CEP55: variants seen among roughly 807,000 people sequenced by gnomAD.
CEP55 encodes centrosomal protein 55, also known as centrosomal protein of 55 kDa.
CEP55 carries 57 observed loss-of-function variants against 63.2 expected under a neutral mutation model. The observed-to-expected ratio is 0.90, with a 90% CI of 0.73 to 1.13. The LOEUF (loss-of-function observed/expected upper bound fraction) is 1.13. Among genes scored for constraint, CEP55 ranks in the 50% most tolerant of loss-of-function variants. CEP55 has a pLI of 0.00. For missense variants in CEP55, 456 were observed against 518.9 expected (o/e 0.88, Z 1.18); for synonymous variants, 178 against 191.6 (o/e 0.93, Z 0.59).
At chr10:93,501,994 CT>C (rs2057640376) in intron 2 of CEP55, among the ~76,000 whole-genome samples, 1 of 152,106 alleles carries the variant, frequency 6.6e-6, no homozygotes, top group Non-Finnish European at 1.5e-5. Flanking sequence ...CTAATTGTGC[CT>C]ATTAAAGTTA....
At chr10:93,511,461 TGAGAA>T (rs2057748093) in intron 4 of CEP55, among the ~76,000 whole-genome samples, 1 of 152,160 alleles carries the variant, frequency 6.6e-6, no homozygotes, top group South Asian at 2.1e-4. Flanking sequence ...ATGCACACAG[TGAGAA>T]GAGGTGGCAT....
chr10:93,518,995 T>G, intron 7 of CEP55, 47 bp downstream of exon 7: 1 of 1,478,684 alleles, frequency 6.8e-7, no homozygotes, highest in Non-Finnish European at 9.5e-7. Context: ...TGTTAGAAAA[T>G]GCAGTTTTTC....
intron 8 of CEP55, among the ~76,000 whole-genome samples, chr10:93,523,737 GTC>G: frequency 6.6e-6 from 1 of 152,170 alleles, no homozygotes; most frequent in South Asian, 2.1e-4. Context: ...ATAACAAACT[GTC>G]TCTCAGACCA....
intron 1 of CEP55, among the ~76,000 whole-genome samples, chr10:93,498,207 T>C (rs578211148): frequency 6.6e-6 from 1 of 150,478 alleles, no homozygotes; most frequent in South Asian, 2.1e-4. Context: ...TTGGTGGGAC[T>C]AGGTGGTGGG....
At chr10:93,527,313 C>T (rs775128000) in intron 8 of CEP55, among the ~76,000 whole-genome samples, 7 of 152,304 alleles carry the variant, frequency 4.6e-5, no homozygotes, top group African/African-American at 7.2e-5. Flanking sequence ...TTATTGCTGA[C>T]GTTGCCTCTG....
At chr10:93,511,450 G>T (rs137924055) in intron 4 of CEP55, among the ~76,000 whole-genome samples, 9 of 152,150 alleles carry the variant, frequency 5.9e-5, no homozygotes, top group African/African-American at 1.9e-4. Flanking sequence ...ATAGAAAGCC[G>T]ATGCACACAG....
intron 8 of CEP55, among the ~76,000 whole-genome samples, chr10:93,525,535 C>T (rs1222728228): frequency 1.3e-5 from 2 of 152,104 alleles, no homozygotes; most frequent in Non-Finnish European, 2.9e-5. Context: ...AGATTCAACG[C>T]CATCCCCATC....
chr10:93,498,525 T>G (rs1259948005), intron 1 of CEP55, among the ~76,000 whole-genome samples: 2 of 152,194 alleles, frequency 1.3e-5, no homozygotes, highest in African/African-American at 4.8e-5. Flanking sequence ...ATCTTTCACC[T>G]TATAATGGCA....
Position 93,503,239 on chromosome 10 carries a change from C to T in CEP55, c.310C>T (p.Leu104=). Reference sequence around the variant, plus strand: ...TAGTACTACCACATTGCTTGAACAGCTGGAAGAGACAACGAGAGAAGGAGA... The same window carrying T: ...TAGTACTACCACATTGCTTGAACAGTTGGAAGAGACAACGAGAGAAGGAGA... The part of the protein sequence containing the change: ...RYSTTTLLEQ[L]EETTREGERR... Residue 104 remains leucine (L), a synonymous_variant, in exon 3 of 9, where the codon CTG becomes TTG. Coordinates refer to ENST00000371485, the MANE Select transcript of CEP55 (RefSeq NM_018131.5). 1 of 1,614,046 alleles carries T rather than the reference C, an allele frequency of 6.2e-7. No individual in the cohort carries two copies. Among genetic ancestry groups the T allele is most frequent in the Non-Finnish European group, 8.5e-7 (1 of 1,179,960 alleles).
At chr10:93,519,497 G>C (rs2057835830) in intron 7 of CEP55, among the ~76,000 whole-genome samples, 185 bp from the exon 8 acceptor site, 1 of 152,132 alleles carries the variant, frequency 6.6e-6, no homozygotes, top group Non-Finnish European at 1.5e-5. Context: ...TTGCTCCTTG[G>C]ATAAACCAAA....
intron 6 of CEP55, 45 bp from the exon 7 acceptor site, chr10:93,518,832 G>C: frequency 7.0e-7 from 1 of 1,420,194 alleles, no homozygotes; most frequent in African/African-American, 1.4e-5. Context: ...GGTCAAGCCG[G>C]AAAAGGTTGG....
At chr10:93,522,838 A>T (rs920062999) in intron 8 of CEP55, among the ~76,000 whole-genome samples, 4 of 152,236 alleles carry the variant, frequency 2.6e-5, no homozygotes, top group Admixed American at 2.6e-4. Flanking sequence ...CAGCCAGAGT[A>T]AGCTTCATAA....
chr10:93,523,480 G>C (rs1378959888), intron 8 of CEP55, among the ~76,000 whole-genome samples: 2 of 151,958 alleles, frequency 1.3e-5, no homozygotes, highest in African/African-American at 4.8e-5. Flanking sequence ...ACTCCCACAC[G>C]ATAATAATGG....
At chr10:93,525,934 AT>A (rs1156845166) in intron 8 of CEP55, among the ~76,000 whole-genome samples, 4 of 152,180 alleles carry the variant, frequency 2.6e-5, no homozygotes, top group African/African-American at 9.6e-5. Context: ...ACAAAAATTA[AT>A]TCAAGATGGA....
intron 6 of CEP55, among the ~76,000 whole-genome samples, chr10:93,518,569 G>A (rs745584999): frequency 5.3e-5 from 8 of 152,186 alleles, no homozygotes; most frequent in Non-Finnish European, 8.8e-5. Flanking sequence ...GCCCAGCACT[G>A]CCACCCATGT....
intron 3 of CEP55, among the ~76,000 whole-genome samples, chr10:93,505,234 C>T (rs1447580464): frequency 6.6e-6 from 1 of 152,198 alleles, no homozygotes; most frequent in Non-Finnish European, 1.5e-5. Context: ...TCTTATGCAA[C>T]AAATGTTTAT....
chr10:93,512,226 C>CAAAAAA (rs554234979), intron 4 of CEP55, among the ~76,000 whole-genome samples: 66,590 of 120,028 alleles, frequency 0.55, 19,351 homozygotes, highest in South Asian at 0.67. Flanking sequence ...GACTCCGTTT[C>CAAAAAA]AAAAAAAAAA....
chr10:93,523,488 T>C (rs2057885798), intron 8 of CEP55, among the ~76,000 whole-genome samples: 1 of 152,114 alleles, frequency 6.6e-6, no homozygotes, highest in South Asian at 2.1e-4. Flanking sequence ...ACGATAATAA[T>C]GGGAGACTTT....
chr10:93,503,329 G>C lies in CEP55; in HGVS notation c.400G>C (p.Ala134Pro). 6.2e-7 allele frequency: 1 copy of C among 1,614,196 alleles called. No individual in the cohort carries two copies. The highest frequency in any genetic ancestry group is 1.1e-5 in the South Asian group (1 of 91,086). The change falls in exon 3 of 9, where the codon GCT (alanine) becomes CCT (proline). Residue 134 changes from alanine to proline, a missense_variant. Ala to Pro is a conservative substitution (Grantham distance 27, BLOSUM62 -1). Transcript: ENST00000371485. The stretch of plus-strand genomic sequence containing the variant: ...AGACGTATTGAAACAACAGTTGTCT[G>C]CTGCAACCTCACGAATTGCTGAACT... Reference protein sequence around the residue: ...EKDVLKQQLSAATSRIAELES... With the variant: ...EKDVLKQQLSPATSRIAELES...
Sources: allele counts gnomAD v4.1 joint callset (sites outside exome capture counted in the v4.1 genomes callset), GRCh38; gene constraint gnomAD v4.1.1; transcripts MANE v1.5; gene names NCBI Gene and HGNC (gene_info 2026-07-23, HGNC 2026-07-21).